SRGAP2: variants seen among roughly 807,000 people sequenced by gnomAD.
SRGAP2 encodes the protein SLIT-ROBO Rho GTPase-activating protein 2.
Under a neutral mutation model 57.2 loss-of-function variants are expected in SRGAP2, and 15 were observed. The ratio of observed to expected loss-of-function variants is 0.26; its 90% confidence interval spans 0.18 to 0.40. SRGAP2 has a LOEUF of 0.40. Ranked by LOEUF, SRGAP2 falls within the 10% of genes least tolerant of loss-of-function variation. The pLI is 1.00. For synonymous variants in SRGAP2, 249 were observed against 248.0 expected, an observed-to-expected ratio of 1.00 and a Z score of -0.04; for missense variants, 520 against 669.6, an observed-to-expected ratio of 0.78 and a Z score of 2.47.
chr1:206,459,004 T>TA, intron 22 of SRGAP2, 57 bp downstream of exon 22: 1 of 664,358 alleles, frequency 1.5e-6, no homozygotes, highest in Non-Finnish European at 2.8e-6. Context: ...TACCACTTAG[T>TA]GCCACCCACC....
chr1:206,283,592 C>G (rs1670855902), intron 2 of SRGAP2, among the ~76,000 whole-genome samples: 2 of 150,514 alleles, frequency 1.3e-5, no homozygotes, highest in Non-Finnish European at 1.5e-5. Context: ...ACTAGAATTG[C>G]TTGAACCCAG....
chr1:206,279,615 C>T (rs1339478034), intron 2 of SRGAP2, among the ~76,000 whole-genome samples: 1 of 133,210 alleles, frequency 7.5e-6, no homozygotes, highest in Non-Finnish European at 1.6e-5. Context: ...GACAAGGTCT[C>T]CTTATTTTGC....
At chr1:206,435,091 T>C (rs1553369543) in intron 14 of SRGAP2, among the ~76,000 whole-genome samples, 1 of 152,256 alleles carries the variant, frequency 6.6e-6, no homozygotes, top group Non-Finnish European at 1.5e-5. Context: ...CCTGCCACTC[T>C]GTGAGGAATA....
At chr1:206,325,283 C>A (rs1239887957) in intron 3 of SRGAP2, among the ~76,000 whole-genome samples, 3 of 152,016 alleles carry the variant, frequency 2.0e-5, no homozygotes, top group South Asian at 4.1e-4. Flanking sequence ...ACAATACTTT[C>A]ACAGAACAAT....
rs545064455 is a variant in SRGAP2 at position 206,420,289 on chromosome 1, A to G, written c.1469+889A>G. On this transcript the variant is annotated intron_variant, in intron 12 of 22. Transcript: ENST00000573034. ...CATTGTGAATTACAATAAAGATCCC[A>G]TTAATATACCAGTCTTGATGACTGG... Among the ~76,000 whole-genome samples the G allele has an allele frequency of 8.5e-5, 13 of 152,326 alleles. 1 individual carries two copies. In the South Asian group the frequency reaches 2.7e-3, roughly 32 times the overall value.
At position 206,461,520 on chromosome 1, in the gene SRGAP2, G is replaced by A. The variant is rs1328904024; in HGVS notation, c.*100G>A. The A allele has an allele frequency of 3.0e-6, 2 of 660,018 alleles. No individual in the cohort carries two copies. The highest frequency in any genetic ancestry group is 5.5e-6 in the Non-Finnish European group (2 of 360,490). The allele number at this position is 660,018 out of a possible 1,614,324, so 40.9% of individuals were successfully genotyped here. ...GCTTGGGGACTTCAGTTGAAAATTA[G>A]GTTCTAAGTTGTTCTTGCAGGAATT... On this transcript the variant is annotated 3_prime_UTR_variant, in exon 23 of 23. Coordinates refer to ENST00000573034, the MANE Select transcript of SRGAP2 (RefSeq NM_015326.5).
At chr1:206,354,445 T>C (rs1553338919) in intron 4 of SRGAP2, among the ~76,000 whole-genome samples, 4 of 152,214 alleles carry the variant, frequency 2.6e-5, no homozygotes, top group Admixed American at 2.6e-4. Flanking sequence ...ATCAAGCCCC[T>C]CTAACTTGGC....
At chr1:206,437,912 G>A in intron 15 of SRGAP2, 52 bp from the exon 16 acceptor site, 2 of 778,054 alleles carry the variant, frequency 2.6e-6, no homozygotes, top group Admixed American at 1.7e-5. Flanking sequence ...CGTCCTGTGT[G>A]TTTTTGCCTC....
intron 17 of SRGAP2, among the ~76,000 whole-genome samples, chr1:206,444,286 A>C (rs1662562684): frequency 1.3e-5 from 2 of 152,220 alleles, no homozygotes; most frequent in Admixed American, 1.3e-4. Context: ...GAGCAAGAAA[A>C]TAGACCTAGA....
Position 206,452,885 on chromosome 1 carries a change from CA to C in SRGAP2, c.2180-291del, listed in dbSNP as rs1166978056. Among the ~76,000 whole-genome samples, 310 of 62,118 alleles carry C rather than the reference CA, an allele frequency of 5.0e-3. 1 individual carries two copies. The highest frequency in any genetic ancestry group is 0.027 in the East Asian group (48 of 1,790). The allele number at this position is 62,118 out of a possible 152,430, so 40.8% of individuals were successfully genotyped here. A position where few individuals can be genotyped will look rare whatever the true frequency, so the allele number is the denominator to read the frequency against. On this transcript the variant is annotated intron_variant, in intron 19 of 22. Coordinates refer to ENST00000573034, the MANE Select transcript of SRGAP2 (RefSeq NM_015326.5). Reference sequence around the variant, plus strand: ...TGAGCGACAGAGTAAGACTCCATCCCAAAAAAAAAAAAAAAAAAAAAAAATG... The same window carrying C: ...TGAGCGACAGAGTAAGACTCCATCCCAAAAAAAAAAAAAAAAAAAAAAATG...
At chr1:206,426,583 A>C (rs1308340888) in intron 13 of SRGAP2, among the ~76,000 whole-genome samples, 2 of 152,180 alleles carry the variant, frequency 1.3e-5, no homozygotes, top group Non-Finnish European at 2.9e-5. Context: ...GTTCTAATTT[A>C]TATTCCTGCC....
intron 4 of SRGAP2, among the ~76,000 whole-genome samples, chr1:206,373,072 A>T (rs1318462346): frequency 1.9e-3 from 72 of 38,110 alleles, no homozygotes; most frequent in Admixed American, 2.6e-3. Flanking sequence ...CTGCCCCCCC[A>T]CTTCTTTCTT....
chr1:206,204,906 T>TGCC (rs1665751561), intron 1 of SRGAP2: 1 of 113,628 alleles, frequency 8.8e-6, no homozygotes, highest in African/African-American at 5.4e-5. Flanking sequence ...CCTGCAGATT[T>TGCC]GCCCCCCCCC....
intron 2 of SRGAP2, among the ~76,000 whole-genome samples, chr1:206,245,682 G>GTGT (rs1306454563): frequency 1.6e-5 from 2 of 122,704 alleles, no homozygotes; most frequent in Admixed American, 1.7e-4. Context: ...TGATTGCAAA[G>GTGT]TGTTGAATCA....
At chr1:206,252,155 C>CTAA (rs1553311233) in intron 2 of SRGAP2, among the ~76,000 whole-genome samples, 1 of 106,772 alleles carries the variant, frequency 9.4e-6, no homozygotes, top group East Asian at 3.4e-4. Context: ...GAGGCAGAGG[C>CTAA]AGCTCTTTAG....
chr1:206,372,976 T>C lies in SRGAP2; in HGVS notation c.424-11038T>C, dbSNP rs868979566. 2.2e-3 allele frequency among the ~76,000 whole-genome samples: 110 copies of C among 49,870 alleles called. 9 individuals are homozygous for C. Among genetic ancestry groups the C allele is most frequent in the African/African-American group, 8.7e-3 (90 of 10,308 alleles). The allele number at this position is 49,870 out of a possible 152,430, so 32.7% of individuals were successfully genotyped here. On this transcript the variant is annotated intron_variant, in intron 4 of 22. Transcript: ENST00000573034. ...CTTTCTTTTCTTTCCTTTCTTTCTTTCTTTCTTTCTTTCTTTCTTTCTTTC... is the reference window on the plus strand; with the variant it reads ...CTTTCTTTTCTTTCCTTTCTTTCTTCCTTTCTTTCTTTCTTTCTTTCTTTC...
At chr1:206,313,966 C>A (rs1240309397) in intron 3 of SRGAP2, among the ~76,000 whole-genome samples, 1 of 151,744 alleles carries the variant, frequency 6.6e-6, no homozygotes, top group Non-Finnish European at 1.5e-5. Flanking sequence ...ACAGGAATTG[C>A]TGACTGATGG....
rs568887983 is a variant in SRGAP2 at position 206,458,832 on chromosome 1, G to A, written c.2717G>A (p.Arg906His). The A allele has an allele frequency of 1.7e-5, 13 of 780,660 alleles. No homozygotes were observed. Among genetic ancestry groups the A allele is most frequent in the South Asian group, 5.4e-5 (4 of 74,564 alleles). The allele number at this position is 780,660 out of a possible 1,614,324, so 48.4% of individuals were successfully genotyped here. A position where few individuals can be genotyped will look rare whatever the true frequency, so the allele number is the denominator to read the frequency against. ...SGHGSLNSIS[R>H]HSSLKNRLDS... ...CACGGGAGCCTCAACTCCATCAGCC[G>A]CCACTCATCCCTGAAGAATCGGCTG... The change falls in exon 22 of 23, where the codon CGC (arginine) becomes CAC (histidine). Residue 906 changes from arginine (R) to histidine (H), a missense_variant. Arg to His is a conservative substitution (Grantham distance 29). Transcript: ENST00000573034.
intron 3 of SRGAP2, among the ~76,000 whole-genome samples, chr1:206,312,718 GT>G (rs1193775048): frequency 8.5e-5 from 13 of 152,180 alleles, no homozygotes; most frequent in Non-Finnish European, 1.8e-4. Flanking sequence ...CCTGTGAATT[GT>G]GGGAAGACCC....
Sources: allele counts gnomAD v4.1 joint callset (sites outside exome capture counted in the v4.1 genomes callset), GRCh38; gene constraint gnomAD v4.1.1; transcripts MANE v1.5; gene names NCBI Gene and HGNC (gene_info 2026-07-23, HGNC 2026-07-21).